The following AMBRA1 variants were observed in gnomAD, a reference collection of about 807,000 sequenced individuals.
AMBRA1 encodes activating molecule in BECN1-regulated autophagy protein 1.
AMBRA1 carries 47 observed loss-of-function variants against 125.4 expected under a neutral mutation model. The ratio of observed to expected loss-of-function variants is 0.37; its 90% CI spans 0.30 to 0.48. The LOEUF (loss-of-function observed/expected upper bound fraction) is 0.48. AMBRA1 is among the 20% of genes least tolerant of loss of function. The pLI is 0.99. For synonymous variants in AMBRA1, 626 were observed against 655.5 expected (o/e 0.95, Z 0.69); for missense variants, 1,331 against 1,693.4 (o/e 0.79, Z 3.76).
chr11:46,397,879 C>A lies in AMBRA1; in HGVS notation c.3468G>T (p.Ala1156=), dbSNP rs200433904. 6 of 1,600,066 alleles carry A rather than the reference C, an allele frequency of 3.7e-6. No individual in the cohort carries two copies. The Admixed American group carries it at 8.3e-5, about 22-fold the overall frequency. The change falls in exon 18 of 18, where the codon GCG becomes GCT. Residue 1156 remains alanine (A), a synonymous_variant. Transcript: ENST00000683756. ...GCACCACGGCTGTCATGCCGCCCTC[C>A]GCCATCAGCCTCTGGATCCTGCTGA... ...DALSRIQRLM[A]EGGMTAVVQR...
intron 1 of AMBRA1, among the ~76,000 whole-genome samples, chr11:46,577,783 T>A (rs906464248): frequency 6.6e-6 from 1 of 152,030 alleles, no homozygotes; most frequent in Non-Finnish European, 1.5e-5. Context: ...AAACCCTGTC[T>A]CTACTAAAAG....
Position 46,566,896 on chromosome 11 carries a change from T to C in AMBRA1, c.-120-18396A>G, listed in dbSNP as rs911473551. ...TAATAAAAGGCCCCAAGTTTAGGAT[T>C]ATGAGAGGGGCCTGAACTCTGCTAA... is the stretch of plus-strand genomic sequence containing the variant. On this transcript the variant is annotated intron_variant, in intron 1 of 17. Coordinates refer to ENST00000683756, the MANE Select transcript of AMBRA1 (RefSeq NM_001387011.1). 1.8e-4 allele frequency among the ~76,000 whole-genome samples: 27 copies of C among 152,158 alleles called. No homozygotes were observed. In the East Asian group the frequency reaches 3.3e-3, roughly 19 times the overall value.
At chr11:46,454,670 G>A (rs1002534346) in intron 11 of AMBRA1, among the ~76,000 whole-genome samples, 2 of 151,624 alleles carry the variant, frequency 1.3e-5, no homozygotes, top group Non-Finnish European at 2.9e-5. Context: ...AGAATGGTGT[G>A]AGCCCGGAAG....
intron 14 of AMBRA1, among the ~76,000 whole-genome samples, chr11:46,424,831 C>A (rs1245596817): frequency 4.0e-5 from 6 of 151,606 alleles, no homozygotes; most frequent in Non-Finnish European, 8.8e-5. Context: ...GATCCTGTGT[C>A]TTAAAAAAAA....
chr11:46,592,234 A>G (rs1329973405), intron 1 of AMBRA1, among the ~76,000 whole-genome samples: 5 of 151,776 alleles, frequency 3.3e-5, no homozygotes, highest in Non-Finnish European at 7.4e-5. Context: ...TGCGCCCGAC[A>G]GGCTGAATTT....
chr11:46,429,729 A>G (rs1947359969), intron 14 of AMBRA1, among the ~76,000 whole-genome samples: 1 of 152,136 alleles, frequency 6.6e-6, no homozygotes, highest in Non-Finnish European at 1.5e-5. Flanking sequence ...TATTTTAGAA[A>G]ATTAATTGCA....
At position 46,397,485 on chromosome 11, in the gene AMBRA1, C is replaced by T. The variant is rs767946157; in HGVS notation, c.3862G>A (p.Ala1288Thr). Residue 1288 changes from alanine (A) to threonine (T), a missense_variant, in exon 18 of 18, where the codon GCT becomes ACT. Ala to Thr is a moderately conservative substitution (Grantham distance 58). This residue lies in a region of AMBRA1 where 144 missense variants were observed against 133.9 expected (regional missense o/e 1.08). Coordinates refer to ENST00000683756, the MANE Select transcript of AMBRA1 (RefSeq NM_001387011.1). ...CGTGGTTCTCCCCTAGGGCCTGCAG[C>T]GTCCCCCCTGCTGCTGCCACCATCC... is the stretch of plus-strand genomic sequence containing the variant. ...LLDGGSSRGDAAGPRGEPRNR is the reference protein window; with the variant it reads ...LLDGGSSRGDTAGPRGEPRNR 13 of 1,521,456 alleles carry T rather than the reference C, an allele frequency of 8.5e-6. No homozygotes were observed. The Admixed American group carries it at 1.7e-4, about 20-fold the overall frequency. 94.2% of individuals were successfully genotyped at this position (1,521,456 alleles called of 1,614,324 possible). A position where few individuals can be genotyped will look rare whatever the true frequency, so the allele number is the denominator to read the frequency against.
chr11:46,533,456 C>T (rs183446402), intron 7 of AMBRA1, among the ~76,000 whole-genome samples: 10 of 152,302 alleles, frequency 6.6e-5, no homozygotes, highest in South Asian at 2.1e-4. Flanking sequence ...TTCGATAACA[C>T]GCCTTCTTGT....
At chr11:46,570,446 TAC>T (rs910077546) in intron 1 of AMBRA1, among the ~76,000 whole-genome samples, 18 of 152,182 alleles carry the variant, frequency 1.2e-4, no homozygotes, top group African/African-American at 3.9e-4. Context: ...TCTCCAAAAT[TAC>T]ATTCCTTCTT....
Position 46,543,026 on chromosome 11 carries a change from G to T in AMBRA1, c.991C>A (p.Pro331Thr), listed in dbSNP as rs761231114. The T allele has an allele frequency of 2.5e-6, 4 of 1,599,418 alleles. No individual in the cohort carries two copies. The highest frequency in any genetic ancestry group is 3.3e-5 in the Admixed American group (2 of 59,988). The change falls in exon 7 of 18, where the codon CCT becomes ACT. Residue 331 changes from proline (P) to threonine (T), a missense_variant. This residue lies in a region of AMBRA1 where 689 missense variants were observed against 776.5 expected (regional missense o/e 0.89). Transcript: ENST00000683756. ...GGGGTAGTAGCTCTGGCAGAAGCAG[G>T]GGGGACACTGTCCTGGTGTGGCAAG... Reference protein sequence around the residue: ...SLLPHQDSVPPASARATTPSF... With the variant: ...SLLPHQDSVPTASARATTPSF...
intron 7 of AMBRA1, among the ~76,000 whole-genome samples, chr11:46,530,151 T>C (rs1306925426): frequency 1.3e-5 from 2 of 152,104 alleles, no homozygotes; most frequent in Admixed American, 6.5e-5. Context: ...GAAGAATGAG[T>C]ACACGGGAAA....
In AMBRA1 at chr11:46,457,275, A is replaced by G. The variant is rs551006522; in HGVS notation, c.2522-13677T>C. Among the ~76,000 whole-genome samples the G allele has an allele frequency of 2.6e-5, 4 of 152,328 alleles. No homozygotes were observed. The South Asian group carries it at 8.3e-4, about 32-fold the overall frequency. ...GTCAGTCCACTGCAATCACTGCCAC[A>G]TTACCATTACCCAGCGACAGACAGG... On this transcript the variant is annotated intron_variant, in intron 11 of 17. Transcript: ENST00000683756.
chr11:46,429,100 C>T, intron 14 of AMBRA1: 3 of 1,608,036 alleles, frequency 1.9e-6, no homozygotes, highest in South Asian at 1.1e-5. Context: ...TGACTCCCTC[C>T]TTAAAAAGGA....
At chr11:46,551,197 G>A (rs1392461746) in intron 1 of AMBRA1, among the ~76,000 whole-genome samples, 1 of 151,450 alleles carries the variant, frequency 6.6e-6, no homozygotes, top group Non-Finnish European at 1.5e-5. Context: ...CTTTGAATAA[G>A]AAGAAAAACT....
intron 7 of AMBRA1, among the ~76,000 whole-genome samples, chr11:46,517,438 C>T (rs61882720): frequency 6.8e-6 from 1 of 147,158 alleles, no homozygotes; most frequent in Non-Finnish European, 1.5e-5. Context: ...CGTAAGCCAC[C>T]GCGCCCGGCT....
chr11:46,398,071 T>A, intron 17 of AMBRA1, 128 bp from the exon 18 acceptor site: 2 of 1,276,384 alleles, frequency 1.6e-6, no homozygotes, highest in Non-Finnish European at 1.1e-6. Flanking sequence ...ACTCGCTCCA[T>A]CACTGTGAAA....
chr11:46,426,801 T>C (rs1007613373), intron 14 of AMBRA1, among the ~76,000 whole-genome samples: 1 of 152,130 alleles, frequency 6.6e-6, no homozygotes, highest in Non-Finnish European at 1.5e-5. Context: ...TTTAAGAAAA[T>C]TAATGAGGAC....
intron 11 of AMBRA1, among the ~76,000 whole-genome samples, chr11:46,450,001 G>C (rs1048069330): frequency 6.6e-6 from 1 of 151,236 alleles, no homozygotes; most frequent in Non-Finnish European, 1.5e-5. Context: ...GGAGCTTGCA[G>C]TGAGTCGAGA....
At chr11:46,436,642 C>CA (rs1554973073) in intron 12 of AMBRA1, among the ~76,000 whole-genome samples, 1 of 147,716 alleles carries the variant, frequency 6.8e-6, no homozygotes, top group South Asian at 2.1e-4. Context: ...TTTGCCAAAA[C>CA]AAAAACAAAA....
Sources: allele counts gnomAD v4.1 joint callset (sites outside exome capture counted in the v4.1 genomes callset), GRCh38; gene constraint gnomAD v4.1.1; regional missense constraint gnomAD v4.1.1; transcripts MANE v1.5; gene names NCBI Gene and HGNC (gene_info 2026-07-23, HGNC 2026-07-21).